ERGIC1: variants seen among roughly 807,000 people sequenced by gnomAD.
The protein encoded by ERGIC1 is endoplasmic reticulum-Golgi intermediate compartment protein 1.
Under a neutral mutation model 38.3 loss-of-function variants are expected in ERGIC1, and 19 were observed. The ratio of observed to expected loss-of-function variants is 0.50; its 90% CI spans 0.35 to 0.73. The LOEUF is 0.73. Among genes scored for constraint, ERGIC1 ranks in the 30% least tolerant of loss-of-function variants. The probability of loss-of-function intolerance (pLI) is 0.01; values close to 1 mark genes in which losing one functional copy is unlikely to be tolerated. For missense variants in ERGIC1, 294 were observed against 389.2 expected (o/e 0.76, Z 2.06); for synonymous variants, 124 against 157.6 (o/e 0.79, Z 1.60).
intron 1 of ERGIC1, among the ~76,000 whole-genome samples, chr5:172,836,398 C>T (rs1411129905): frequency 1.3e-5 from 2 of 152,186 alleles, no homozygotes; most frequent in Non-Finnish European, 1.5e-5. Context: ...TACTTCAGGT[C>T]CCTGAGTGCC....
At chr5:172,907,252 G>T (rs1029374043) in intron 3 of ERGIC1, among the ~76,000 whole-genome samples, 1 of 152,192 alleles carries the variant, frequency 6.6e-6, no homozygotes, top group African/African-American at 2.4e-5. Flanking sequence ...CCGTGGCTGT[G>T]CTCATATCAA....
Position 172,927,672 on chromosome 5 carries a change from C to T in ERGIC1, c.541+1103C>T, listed in dbSNP as rs191231430. 8.6e-5 allele frequency among the ~76,000 whole-genome samples: 13 copies of T among 151,654 alleles called. No homozygotes were observed. The East Asian group carries it at 1.7e-3, about 20-fold the overall frequency. On this transcript the variant is annotated intron_variant, in intron 7 of 9. Transcript: ENST00000393784. ...TCGGCTCACTGCAACCTCAGCCTCC[C>T]GGGTTCAAGCAATTCTCCTGTCTCA...
At chr5:172,950,618 C>A in intron 9 of ERGIC1, 91 bp from the exon 10 acceptor site, 1 of 1,120,100 alleles carries the variant, frequency 8.9e-7, no homozygotes, top group Non-Finnish European at 1.3e-6. Context: ...CCTTGCAGAG[C>A]CCATCATCTC....
chr5:172,848,688 G>A (rs1056056386), intron 1 of ERGIC1, among the ~76,000 whole-genome samples: 1 of 152,124 alleles, frequency 6.6e-6, no homozygotes, highest in African/African-American at 2.4e-5. Flanking sequence ...CACTGTGGGT[G>A]GTCAGTAAAT....
intron 4 of ERGIC1, among the ~76,000 whole-genome samples, chr5:172,913,548 AAC>A (rs1195022794): frequency 6.6e-6 from 1 of 152,222 alleles, no homozygotes; most frequent in South Asian, 2.1e-4. Flanking sequence ...CTCATCGAGG[AAC>A]ACAGAGTTGT....
chr5:172,864,556 C>T (rs919199630), intron 1 of ERGIC1, among the ~76,000 whole-genome samples: 8 of 151,798 alleles, frequency 5.3e-5, no homozygotes, highest in African/African-American at 1.7e-4. Context: ...GAGTATTTCT[C>T]CTGGGATGGG....
At chr5:172,946,552 G>C (rs1339317402) in intron 9 of ERGIC1, among the ~76,000 whole-genome samples, 3 of 152,172 alleles carry the variant, frequency 2.0e-5, no homozygotes, top group Non-Finnish European at 4.4e-5. Context: ...ACACCACCTG[G>C]CACAGCCTTG....
chr5:172,856,226 G>A (rs1056941133), intron 1 of ERGIC1, among the ~76,000 whole-genome samples: 4 of 152,160 alleles, frequency 2.6e-5, no homozygotes, highest in Non-Finnish European at 5.9e-5. Context: ...AGCCAGGCTG[G>A]AGAAGCTGTG....
chr5:172,864,924 AT>A (rs1209457124), intron 1 of ERGIC1, among the ~76,000 whole-genome samples: 1 of 151,336 alleles, frequency 6.6e-6, no homozygotes, highest in Admixed American at 6.6e-5. Context: ...AGCCTGACTT[AT>A]TTTCATGTCC....
At chr5:172,873,899 G>A (rs1762079555) in intron 1 of ERGIC1, among the ~76,000 whole-genome samples, 1 of 152,176 alleles carries the variant, frequency 6.6e-6, no homozygotes, top group Non-Finnish European at 1.5e-5. Context: ...ACTCAGGTGG[G>A]TGCAGGCTAA....
chr5:172,839,240 CAAAAAAA>C (rs1265161853), intron 1 of ERGIC1, among the ~76,000 whole-genome samples: 1 of 71,126 alleles, frequency 1.4e-5, no homozygotes, highest in Non-Finnish European at 2.9e-5. Context: ...GACTCTGTCT[CAAAAAAA>C]AAAAAAAAAA....
At position 172,878,838 on chromosome 5, in the gene ERGIC1, C is replaced by T. The variant is rs954824685; in HGVS notation, c.21-9861C>T. ...CACACACATACACTAGCACAGCCCCCGGGCCAGTGGTTCTCAGTAAGGTGG... is the reference window on the plus strand; with the variant it reads ...CACACACATACACTAGCACAGCCCCTGGGCCAGTGGTTCTCAGTAAGGTGG... On this transcript the variant is annotated intron_variant, in intron 1 of 9. Coordinates refer to ENST00000393784, the MANE Select transcript of ERGIC1 (RefSeq NM_001031711.3). Among the ~76,000 whole-genome samples the T allele has an allele frequency of 7.2e-5, 11 of 152,142 alleles. No individual in the cohort carries two copies. In the East Asian group the frequency reaches 1.5e-3, roughly 21 times the overall value.
intron 8 of ERGIC1, chr5:172,933,593 G>A (rs1013655648): frequency 1.3e-5 from 2 of 152,188 alleles, no homozygotes; most frequent in Admixed American, 1.3e-4. Flanking sequence ...GCTGCTCTCT[G>A]TCCAATGACT....
intron 2 of ERGIC1, among the ~76,000 whole-genome samples, chr5:172,896,455 A>G (rs1762723845): frequency 6.6e-6 from 1 of 152,224 alleles, no homozygotes; most frequent in Non-Finnish European, 1.5e-5. Context: ...GGATGGCACC[A>G]CAGAGGGTGG....
At chr5:172,881,809 C>T (rs1315308011) in intron 1 of ERGIC1, among the ~76,000 whole-genome samples, 2 of 152,196 alleles carry the variant, frequency 1.3e-5, no homozygotes, top group Admixed American at 6.5e-5. Flanking sequence ...TCAGTCAAGA[C>T]AATTAGATGT....
chr5:172,950,917 G>T lies in ERGIC1; in HGVS notation c.*101G>T. ...TCAATCTGGTCCCAAATCTGGCTGT[G>T]TCCCAAAGGGTGTGTGGGAAGTGGG... On this transcript the variant is annotated 3_prime_UTR_variant, in exon 10 of 10. Transcript: ENST00000393784. 2.0e-6 allele frequency: 2 copies of T among 1,000,968 alleles called. No individual in the cohort carries two copies. Among genetic ancestry groups the T allele is most frequent in the Non-Finnish European group, 2.9e-6 (2 of 697,928 alleles). The allele number at this position is 1,000,968 out of a possible 1,614,324, so 62.0% of individuals were successfully genotyped here.
intron 7 of ERGIC1, among the ~76,000 whole-genome samples, chr5:172,928,477 T>G: frequency 6.6e-6 from 1 of 152,230 alleles, no homozygotes; most frequent in Non-Finnish European, 1.5e-5. Context: ...AAGCCCTCAC[T>G]GGTCACCCTA....
intron 8 of ERGIC1, chr5:172,933,636 T>C (rs1025001503): frequency 1.4e-5 from 1 of 71,934 alleles, no homozygotes. Context: ...CCTAAATTGA[T>C]GTTCCCGGGA....
At chr5:172,943,873 G>T (rs1175237815) in intron 9 of ERGIC1, among the ~76,000 whole-genome samples, 1 of 152,212 alleles carries the variant, frequency 6.6e-6, no homozygotes, top group Non-Finnish European at 1.5e-5. Context: ...CTCCAGTGCG[G>T]CTGGAACACA....
Sources: allele counts gnomAD v4.1 joint callset (sites outside exome capture counted in the v4.1 genomes callset), GRCh38; gene constraint gnomAD v4.1.1; transcripts MANE v1.5; gene names NCBI Gene and HGNC (gene_info 2026-07-23, HGNC 2026-07-21).